Variants in NFXL1 observed in about 807,000 individuals in gnomAD.
NFXL1 encodes the protein NF-X1-type zinc finger protein NFXL1.
NFXL1 carries 66 observed loss-of-function variants against 123.3 expected under a neutral mutation model. That is an observed-to-expected ratio of 0.54 (90% CI 0.44 to 0.66). The LOEUF is 0.66. NFXL1 is among the 30% of genes least tolerant of loss of function. The pLI is 0.00. For missense variants in NFXL1, 944 were observed against 1,125.6 expected, an observed-to-expected ratio of 0.84 and a Z score of 2.31; for synonymous variants, 346 against 360.8, an observed-to-expected ratio of 0.96 and a Z score of 0.46.
At chr4:47,871,345 C>T (rs1359930901) in intron 18 of NFXL1, among the ~76,000 whole-genome samples, 15 of 109,978 alleles carry the variant, frequency 1.4e-4, no homozygotes, top group Admixed American at 8.0e-4. Flanking sequence ...AGCGAGACTC[C>T]GTCTCAAAAA....
rs369507098 is a variant in NFXL1 at position 47,910,865 on chromosome 4, T to C, written c.365A>G (p.Lys122Arg). Residue 122 changes from lysine to arginine, a missense_variant, in exon 3 of 23, where the codon AAA becomes AGA. Around this residue, in one of 4 missense-constraint regions of NFXL1, gnomAD observed 303 missense variants for 292.1 expected, o/e 1.04. Coordinates refer to ENST00000507489, the MANE Select transcript of NFXL1 (RefSeq NM_001278624.2). ...TGTTATAAACGTATTTGCAAGTATT[T>C]TTCCCTGTTTTCCTTCAAAATCTTC... ...GDEDFEGKQG[K>R]ILANTFITYT... 8 of 1,600,938 alleles carry C rather than the reference T, an allele frequency of 5.0e-6. No individual in the cohort carries two copies. The Middle Eastern group carries it at 7.4e-4, about 148-fold the overall frequency.
At chr4:47,880,585 ACT>A (rs955226899) in intron 15 of NFXL1, among the ~76,000 whole-genome samples, 5 of 151,836 alleles carry the variant, frequency 3.3e-5, no homozygotes, top group African/African-American at 7.3e-5. Flanking sequence ...ATTTGTGGAA[ACT>A]CTATGTGGAA....
intron 9 of NFXL1, among the ~76,000 whole-genome samples, chr4:47,897,455 G>T (rs1046830787): frequency 6.6e-6 from 1 of 152,100 alleles, no homozygotes; most frequent in Admixed American, 6.5e-5. Flanking sequence ...ATCCTACTAT[G>T]CCTTTATCTC....
chr4:47,871,121 C>T (rs1026536628), intron 18 of NFXL1, among the ~76,000 whole-genome samples: 4 of 151,962 alleles, frequency 2.6e-5, no homozygotes, highest in South Asian at 2.1e-4. Flanking sequence ...GAGGCCGAGG[C>T]GGGCAGATCA....
chr4:47,879,474 C>A (rs974073384), intron 15 of NFXL1, among the ~76,000 whole-genome samples: 15 of 152,034 alleles, frequency 9.9e-5, no homozygotes, highest in African/African-American at 3.4e-4. Context: ...GTTATGAAGG[C>A]TCAAAATTAT....
At chr4:47,879,140 A>G (rs763438345) in intron 15 of NFXL1, 23 bp from the exon 16 acceptor site, 1 of 1,129,960 alleles carries the variant, frequency 8.8e-7, no homozygotes, top group Non-Finnish European at 1.2e-6. Context: ...AATAAAATAA[A>G]ATGAAAACAT....
At chr4:47,859,990 G>A (rs2110040033) in intron 19 of NFXL1, among the ~76,000 whole-genome samples, 1 of 152,112 alleles carries the variant, frequency 6.6e-6, no homozygotes, top group South Asian at 2.1e-4. Context: ...AGGACAGAAG[G>A]GGATTGGGGG....
rs1420347680 is a variant in NFXL1, at chr4:47,912,762, T to C, written c.235+1207A>G. Among the ~76,000 whole-genome samples, 59 of 141,618 alleles carry C rather than the reference T, an allele frequency of 4.2e-4. No individual in the cohort carries two copies. The Middle Eastern group carries it at 0.011, about 26-fold the overall frequency. The allele number at this position is 141,618 out of a possible 152,430, so 92.9% of individuals were successfully genotyped here. ...CTTGAGCCACCGCGCCCGGACAGAA[T>C]GCTTGTTTTCCTTCTACCCACGAGA... is the stretch of plus-strand genomic sequence containing the variant. On this transcript the variant is annotated intron_variant, in intron 2 of 22. Coordinates refer to ENST00000507489, the MANE Select transcript of NFXL1 (RefSeq NM_001278624.2).
Position 47,914,042 on chromosome 4 carries a change from G to A in NFXL1, c.162C>T (p.Val54=). The A allele has an allele frequency of 6.5e-7, 1 of 1,549,348 alleles. No individual in the cohort carries two copies. The highest frequency in any genetic ancestry group is 8.7e-7 in the Non-Finnish European group (1 of 1,146,918). ...AVPSGTSPGG[V]ATTAAAGSRH... ...TGCTCCCTGCAGCCGCCGTGGTCGCGACTCCTCCGGGACTGGTGCCAGAAG... is the reference window on the plus strand; with the variant it reads ...TGCTCCCTGCAGCCGCCGTGGTCGCAACTCCTCCGGGACTGGTGCCAGAAG... The change falls in exon 2 of 23, where the codon GTC becomes GTT. Residue 54 remains valine (V), a synonymous_variant. Transcript: ENST00000507489.
At position 47,896,654 on chromosome 4, in the gene NFXL1, AC is replaced by A; in HGVS notation, c.1205-8del. Reference sequence around the variant, plus strand: ...GTACAAGGCAAAGAAAACTCTAAAAACATACAAAAAGTCAATGTTAATAATG... The same window carrying A: ...GTACAAGGCAAAGAAAACTCTAAAAAATACAAAAAGTCAATGTTAATAATG... On this transcript the variant is annotated splice_polypyrimidine_tract_variant and splice_region_variant and intron_variant, in intron 9 of 22. Transcript: ENST00000507489. 1 of 1,596,796 alleles carries A rather than the reference AC, an allele frequency of 6.3e-7. No homozygotes were observed. The highest frequency in any genetic ancestry group is 1.1e-5 in the South Asian group (1 of 90,100).
intron 3 of NFXL1, among the ~76,000 whole-genome samples, chr4:47,906,306 C>T (rs1025238908): frequency 6.6e-6 from 1 of 152,112 alleles, no homozygotes; most frequent in Non-Finnish European, 1.5e-5. Flanking sequence ...TAGATTAAAA[C>T]GTAAACTACC....
intron 18 of NFXL1, among the ~76,000 whole-genome samples, chr4:47,868,670 A>G (rs1735252104): frequency 6.6e-6 from 1 of 152,220 alleles, no homozygotes; most frequent in African/African-American, 2.4e-5. Context: ...AAGTGACATA[A>G]TACAAACAGT....
At chr4:47,868,035 G>T (rs1193385047) in intron 18 of NFXL1, among the ~76,000 whole-genome samples, 3 of 152,166 alleles carry the variant, frequency 2.0e-5, no homozygotes, top group Admixed American at 6.5e-5. Flanking sequence ...GAAAAAAAGG[G>T]CTGGGCGCAG....
intron 15 of NFXL1, among the ~76,000 whole-genome samples, chr4:47,879,872 G>C (rs1414146032): frequency 6.6e-6 from 1 of 151,954 alleles, no homozygotes; most frequent in Non-Finnish European, 1.5e-5. Flanking sequence ...ATAGACACCT[G>C]CTTGCAAAAA....
At chr4:47,896,473 ACAT>A (rs1479630783) in intron 10 of NFXL1, 47 bp downstream of exon 10, 2 of 1,418,888 alleles carry the variant, frequency 1.4e-6, no homozygotes, top group East Asian at 4.6e-5. Flanking sequence ...CTCATTTGAT[ACAT>A]TATGATAGGT....
At chr4:47,871,069 G>C (rs1323436005) in intron 18 of NFXL1, among the ~76,000 whole-genome samples, 4 of 152,120 alleles carry the variant, frequency 2.6e-5, no homozygotes, top group Admixed American at 2.0e-4. Context: ...TTCCCACTTG[G>C]CAAGTTTTTA....
intron 19 of NFXL1, 37 bp from the exon 20 acceptor site, chr4:47,855,200 C>T (rs1397700755): frequency 3.4e-6 from 4 of 1,183,876 alleles, no homozygotes; most frequent in Non-Finnish European, 5.0e-6. Context: ...TACATACTTA[C>T]ATCTTGATCA....
intron 18 of NFXL1, among the ~76,000 whole-genome samples, chr4:47,869,673 A>G (rs1316788245): frequency 3.9e-5 from 6 of 152,164 alleles, no homozygotes; most frequent in African/African-American, 1.2e-4. Flanking sequence ...AATGAATTAA[A>G]TTCTCAATTC....
chr4:47,895,619 T>G (rs1737040165), intron 10 of NFXL1, among the ~76,000 whole-genome samples: 1 of 152,232 alleles, frequency 6.6e-6, no homozygotes, highest in African/African-American at 2.4e-5. Context: ...TTCACAGAAT[T>G]GAAGTTAGGG....
Sources: allele counts gnomAD v4.1 joint callset (sites outside exome capture counted in the v4.1 genomes callset), GRCh38; gene constraint gnomAD v4.1.1; regional missense constraint gnomAD v4.1.1; transcripts MANE v1.5; gene names NCBI Gene and HGNC (gene_info 2026-07-23, HGNC 2026-07-21).